The following TXK variants were observed in gnomAD, a reference collection of about 807,000 sequenced individuals.
TXK encodes the protein TXK tyrosine kinase.
In TXK, 60 loss-of-function variants were observed where a neutral mutation model predicts 81.0. The ratio of observed to expected loss-of-function variants is 0.74; its 90% CI spans 0.60 to 0.92. The LOEUF (loss-of-function observed/expected upper bound fraction) is 0.92, where lower values mean the gene tolerates loss of function less well. Among genes scored for constraint, TXK ranks in the 40% least tolerant of loss-of-function variants. TXK has a pLI of 0.00. For missense variants in TXK, 581 were observed against 638.3 expected (o/e 0.91, Z 0.97); for synonymous variants, 203 against 210.7 (o/e 0.96, Z 0.32).
chr4:48,111,539 T>C (rs1718632593), intron 4 of TXK, among the ~76,000 whole-genome samples: 1 of 152,228 alleles, frequency 6.6e-6, no homozygotes, highest in Non-Finnish European at 1.5e-5. Context: ...CCCGCAGGTG[T>C]GGCTAATTAC....
At position 48,074,001 on chromosome 4, in the gene TXK, T is replaced by G; in HGVS notation, c.1291A>C (p.Lys431Gln). The G allele has an allele frequency of 1.2e-6, 2 of 1,613,996 alleles. No homozygotes were observed. Among genetic ancestry groups the G allele is most frequent in the Non-Finnish European group, 1.7e-6 (2 of 1,179,924 alleles). The change falls in exon 13 of 15, where the codon AAG becomes CAG. Residue 431 changes from lysine to glutamine, a missense_variant. Physicochemically the swap from Lys to Gln is moderately conservative, Grantham distance 53 (BLOSUM62 1). Coordinates refer to ENST00000264316, the MANE Select transcript of TXK (RefSeq NM_003328.3). Reference sequence around the variant, plus strand: ...AGAAAAACTTCAGGAGGGGACCACTTGATTGGGAACTTGGCTCCAAAAGAA... The same window carrying G: ...AGAAAAACTTCAGGAGGGGACCACTGGATTGGGAACTTGGCTCCAAAAGAA... Reference protein sequence around the residue: ...VSSFGAKFPIKWSPPEVFLFN... With the variant: ...VSSFGAKFPIQWSPPEVFLFN...
chr4:48,085,036 A>AGTT (rs1214885972), intron 10 of TXK, among the ~76,000 whole-genome samples: 6 of 152,236 alleles, frequency 3.9e-5, no homozygotes, highest in Non-Finnish European at 5.9e-5. Context: ...TGTCATCTGG[A>AGTT]GTTTTTCTTC....
At chr4:48,084,558 C>G (rs532762577) in intron 10 of TXK, among the ~76,000 whole-genome samples, 1 of 152,116 alleles carries the variant, frequency 6.6e-6, no homozygotes, top group African/African-American at 2.4e-5. Context: ...TAATCCAACA[C>G]AGGAATACAA....
chr4:48,101,657 T>G lies in TXK; in HGVS notation c.501+3244A>C, dbSNP rs552891227. 6.1e-4 allele frequency among the ~76,000 whole-genome samples: 93 copies of G among 152,018 alleles called. 2 individuals carry two copies. The South Asian group carries it at 0.019, about 30-fold the overall frequency. On this transcript the variant is annotated intron_variant, in intron 6 of 14. Coordinates refer to ENST00000264316, the MANE Select transcript of TXK (RefSeq NM_003328.3). ...GATACATAGAAAAAATATGTATATT[T>G]TAAATATCCCATGCTTTATATACAC...
chr4:48,111,064 CAGAT>C (rs1415610665), intron 4 of TXK, among the ~76,000 whole-genome samples: 2 of 152,166 alleles, frequency 1.3e-5, no homozygotes, highest in Admixed American at 1.3e-4. Context: ...TTCTCAAAGA[CAGAT>C]AGCAAAGACG....
chr4:48,089,063 C>T (rs1717646647), intron 9 of TXK, among the ~76,000 whole-genome samples: 3 of 152,100 alleles, frequency 2.0e-5, no homozygotes, highest in South Asian at 2.1e-4. Flanking sequence ...AAGATGAAGA[C>T]GATACTTTCA....
At chr4:48,094,346 T>C in intron 7 of TXK, 142 bp from the exon 8 acceptor site, 1 of 868,620 alleles carries the variant, frequency 1.2e-6, no homozygotes, top group Non-Finnish European at 1.7e-6. Context: ...ATTCAACAAG[T>C]GCCCCCCCAT....
intron 6 of TXK, among the ~76,000 whole-genome samples, chr4:48,100,914 G>A (rs1260187182): frequency 6.6e-6 from 1 of 151,726 alleles, no homozygotes; most frequent in African/African-American, 2.4e-5. Flanking sequence ...ATATCCTTAT[G>A]TAAAAAAATA....
intron 10 of TXK, among the ~76,000 whole-genome samples, chr4:48,083,333 T>C (rs1186820066): frequency 1.3e-5 from 2 of 152,188 alleles, no homozygotes; most frequent in African/African-American, 4.8e-5. Context: ...CCAGAAAACT[T>C]TCCTGTTTCA....
rs1477609864 is a variant in TXK, at chr4:48,089,804, A to G, written c.730T>C (p.Tyr244His). 6.2e-7 allele frequency: 1 copy of G among 1,613,430 alleles called. No homozygotes were observed. The highest frequency in any genetic ancestry group is 2.2e-5 in the East Asian group (1 of 44,888). ...NAAGLMTRLR[Y>H]PVGLMGSCLP... ...CAACTGCCCATCAGCCCAACTGGAT[A>G]TCGGAGACGAGTCATGAGACCTAAG... The change falls in exon 9 of 15, where the codon TAT becomes CAT. Residue 244 changes from tyrosine (Y) to histidine (H), a missense_variant. By Grantham distance (83) the Tyr-to-His change is moderately conservative. Transcript: ENST00000264316.
intron 1 of TXK, among the ~76,000 whole-genome samples, chr4:48,128,816 C>G (rs1229699397): frequency 2.6e-5 from 4 of 151,974 alleles, no homozygotes; most frequent in Non-Finnish European, 4.4e-5. Flanking sequence ...ATCCACCTGC[C>G]TCGGCCTCCC....
At chr4:48,111,730 C>T (rs568763508) in intron 4 of TXK, among the ~76,000 whole-genome samples, 1 of 152,300 alleles carries the variant, frequency 6.6e-6, no homozygotes, top group African/African-American at 2.4e-5. Flanking sequence ...TCAATGCCAG[C>T]CTTCTCTCTC....
chr4:48,097,169 A>C (rs1718013387), intron 6 of TXK, among the ~76,000 whole-genome samples: 1 of 152,138 alleles, frequency 6.6e-6, no homozygotes, highest in Non-Finnish European at 1.5e-5. Flanking sequence ...ATAATAGATA[A>C]ACTGCTAATT....
At chr4:48,093,975 T>G (rs1399454751) in intron 8 of TXK, 102 bp downstream of exon 8, 2 of 1,441,090 alleles carry the variant, frequency 1.4e-6, no homozygotes, top group African/African-American at 2.8e-5. Flanking sequence ...TTAAACTATT[T>G]CTATAGGGAG....
chr4:48,127,366 A>G (rs1349651954), intron 1 of TXK, among the ~76,000 whole-genome samples: 2 of 152,250 alleles, frequency 1.3e-5, no homozygotes, highest in African/African-American at 4.8e-5. Flanking sequence ...ACAGCAGCAC[A>G]GGTGTTCCCA....
intron 1 of TXK, among the ~76,000 whole-genome samples, chr4:48,117,500 C>T (rs1303852595): frequency 6.6e-6 from 1 of 152,172 alleles, no homozygotes; most frequent in East Asian, 1.9e-4. Context: ...CCTTCAGGGC[C>T]TATAAATTCA....
intron 6 of TXK, among the ~76,000 whole-genome samples, chr4:48,099,904 G>A (rs896363077): frequency 2.6e-5 from 4 of 152,164 alleles, no homozygotes; most frequent in African/African-American, 9.7e-5. Flanking sequence ...CGTAAAATAG[G>A]CCGGGCGCGG....
intron 1 of TXK, among the ~76,000 whole-genome samples, chr4:48,118,064 C>T (rs1196209655): frequency 6.6e-6 from 1 of 152,180 alleles, no homozygotes; most frequent in African/African-American, 2.4e-5. Context: ...CACCAATCTC[C>T]CAATTTTGTT....
Position 48,112,495 on chromosome 4 carries a change from C to T in TXK, c.192G>A (p.Val64=). The part of the protein sequence containing the change: ...SNKKQSNTGR[V]QPSKRKPLPP... ...GCAGTGGCTTTCGTTTTGACGGCTG[C>T]ACACGGCCCGTGTTGGACTGTGAAA... The change falls in exon 4 of 15, where the codon GTG becomes GTA. Residue 64 remains valine (V), a synonymous_variant. Coordinates refer to ENST00000264316, the MANE Select transcript of TXK (RefSeq NM_003328.3). 2 of 1,613,924 alleles carry T rather than the reference C, an allele frequency of 1.2e-6. No individual in the cohort carries two copies. The highest frequency in any genetic ancestry group is 1.7e-6 in the Non-Finnish European group (2 of 1,179,900).
Sources: allele counts gnomAD v4.1 joint callset (sites outside exome capture counted in the v4.1 genomes callset), GRCh38; gene constraint gnomAD v4.1.1; transcripts MANE v1.5; gene names NCBI Gene and HGNC (gene_info 2026-07-23, HGNC 2026-07-21).